The following DOCK8 variants were observed in gnomAD, a reference collection of about 807,000 sequenced individuals.
The protein encoded by DOCK8 is dedicator of cytokinesis protein 8.
A neutral mutation model predicts 245.6 loss-of-function variants in DOCK8; 141 were observed. The observed-to-expected ratio is 0.57, with a 90% CI of 0.50 to 0.66. The LOEUF is 0.66. Ranked by LOEUF, DOCK8 falls within the 30% of genes least tolerant of loss-of-function variation. The pLI is 0.00. For synonymous variants in DOCK8, 1,168 were observed against 970.2 expected, an observed-to-expected ratio of 1.20 and a Z score of -3.79; for missense variants, 2,965 against 2,603.4, an observed-to-expected ratio of 1.14 and a Z score of -3.02.
intron 5 of DOCK8, among the ~76,000 whole-genome samples, chr9:308,770 C>G (rs1478882017): frequency 1.3e-5 from 2 of 152,070 alleles, no homozygotes; most frequent in Non-Finnish European, 2.9e-5. Flanking sequence ...TGATTCTCCT[C>G]CCTTAGCCTC....
At chr9:405,388 T>C (rs1214548803) in intron 27 of DOCK8, among the ~76,000 whole-genome samples, 2 of 152,224 alleles carry the variant, frequency 1.3e-5, no homozygotes, top group Non-Finnish European at 2.9e-5. Flanking sequence ...CCAATTGTTA[T>C]ATTATGCAAA....
chr9:308,359 A>C (rs2049941138), intron 5 of DOCK8, among the ~76,000 whole-genome samples: 1 of 152,234 alleles, frequency 6.6e-6, no homozygotes. Context: ...TTTTTTAAAG[A>C]GCCAAATTGT....
At chr9:318,475 A>G (rs2050444085) in intron 7 of DOCK8, among the ~76,000 whole-genome samples, 1 of 152,142 alleles carries the variant, frequency 6.6e-6, no homozygotes, top group Non-Finnish European at 1.5e-5. Context: ...ACCTACCACA[A>G]ACTTCTATGA....
At chr9:274,457 ATTGAATTCT>A (rs1387042784) in intron 2 of DOCK8, among the ~76,000 whole-genome samples, 1 of 140,524 alleles carries the variant, frequency 7.1e-6, no homozygotes, top group Non-Finnish European at 1.5e-5. Context: ...AGCCCAGAGG[ATTGAATTCT>A]TTTTTTTTTC....
intron 3 of DOCK8, among the ~76,000 whole-genome samples, 195 bp from the exon 4 acceptor site, chr9:289,315 A>C (rs1041868237): frequency 5.3e-5 from 8 of 152,202 alleles, no homozygotes; most frequent in African/African-American, 1.9e-4. Flanking sequence ...AAATGCCAAC[A>C]TGTTTGTCTC....
At chr9:271,857 C>G in intron 2 of DOCK8, 128 bp downstream of exon 2, 1 of 689,176 alleles carries the variant, frequency 1.5e-6, no homozygotes, top group Non-Finnish European at 2.5e-6. Context: ...GATCCTAACT[C>G]TGTGACTGTG....
intron 1 of DOCK8, among the ~76,000 whole-genome samples, chr9:226,979 T>C (rs1031934032): frequency 6.6e-6 from 1 of 152,178 alleles, no homozygotes; most frequent in Admixed American, 6.5e-5. Context: ...AATATATGCA[T>C]AACTCTCTGC....
At chr9:289,414 G>C in intron 3 of DOCK8, 96 bp from the exon 4 acceptor site, 1 of 959,854 alleles carries the variant, frequency 1.0e-6, no homozygotes, top group Non-Finnish European at 1.7e-6. Flanking sequence ...CACTGATAAG[G>C]ATTTAAATTC....
chr9:439,539 A>T, intron 40 of DOCK8, 151 bp downstream of exon 40: 2 of 978,810 alleles, frequency 2.0e-6, no homozygotes, highest in South Asian at 3.1e-5. Flanking sequence ...CCCGGGGAGG[A>T]CTTTGATGTA....
chr9:376,134 A>G (rs912102332), intron 18 of DOCK8, 76 bp from the exon 19 acceptor site: 9 of 983,532 alleles, frequency 9.2e-6, no homozygotes, highest in East Asian at 4.8e-5. Context: ...TTTCCAGTCA[A>G]GTTGGTCTGC....
rs756760896 is a variant in DOCK8 at position 434,020 on chromosome 9, G to A, written c.4886+45G>A. On this transcript the variant is annotated intron_variant, in intron 38 of 47. Transcript: ENST00000432829. ...TCAAGGGACACCATTTGGGGGTCGA[G>A]GATTTGTCACTGTGGAGTTCTTACT... 115 of 1,417,754 alleles carry A rather than the reference G, an allele frequency of 8.1e-5. No homozygotes were observed. The Middle Eastern group carries it at 1.0e-3, about 13-fold the overall frequency. The allele number at this position is 1,417,754 out of a possible 1,614,324, so 87.8% of individuals were successfully genotyped here.
intron 1 of DOCK8, among the ~76,000 whole-genome samples, chr9:264,167 T>C (rs2047984643): frequency 6.6e-6 from 1 of 152,244 alleles, no homozygotes; most frequent in African/African-American, 2.4e-5. Context: ...TAGGTGATTA[T>C]GCTGCTTCAT....
At chr9:357,500 A>T (rs570363494) in intron 14 of DOCK8, among the ~76,000 whole-genome samples, 1 of 151,848 alleles carries the variant, frequency 6.6e-6, no homozygotes, top group Admixed American at 6.6e-5. Context: ...TTGATTTCTG[A>T]CTTTCAGTGG....
At chr9:332,302 C>T in intron 9 of DOCK8, 96 bp from the exon 10 acceptor site, 1 of 852,428 alleles carries the variant, frequency 1.2e-6, no homozygotes, top group East Asian at 2.6e-5. Context: ...CCTATGTCAT[C>T]AAATATTGTC....
chr9:439,863 G>C (rs982433974), intron 40 of DOCK8, among the ~76,000 whole-genome samples: 1 of 152,126 alleles, frequency 6.6e-6, no homozygotes, highest in Non-Finnish European at 1.5e-5. Flanking sequence ...GACCATCACA[G>C]ACCAGGACCA....
intron 7 of DOCK8, among the ~76,000 whole-genome samples, chr9:324,418 G>A (rs1378289982): frequency 6.6e-6 from 1 of 152,110 alleles, no homozygotes; most frequent in Non-Finnish European, 1.5e-5. Flanking sequence ...AACATCCAAA[G>A]CCATGGGACA....
chr9:303,162 G>GA (rs562054682), intron 4 of DOCK8, among the ~76,000 whole-genome samples: 105 of 136,826 alleles, frequency 7.7e-4, no homozygotes, highest in South Asian at 6.2e-3. Flanking sequence ...CCTGTCTCAA[G>GA]AAAAAAAAAA....
intron 26 of DOCK8, among the ~76,000 whole-genome samples, chr9:403,858 A>ATCTCTCTCTCTCTCTCTCTCTCTCTCTC (rs749646963): frequency 1.2e-5 from 1 of 83,982 alleles, no homozygotes; most frequent in African/African-American, 4.6e-5. Flanking sequence ...AAGACTCTGT[A>ATCTCTCTCTCTCTCTCTCTCTCTCTCTC]TCTCTCTCTC....
chr9:357,393 T>A (rs1267188152), intron 14 of DOCK8, among the ~76,000 whole-genome samples: 2 of 152,196 alleles, frequency 1.3e-5, no homozygotes, highest in Non-Finnish European at 2.9e-5. Context: ...GTTTTCTCAC[T>A]GAAAGAAATC....
Sources: allele counts gnomAD v4.1 joint callset (sites outside exome capture counted in the v4.1 genomes callset), GRCh38; gene constraint gnomAD v4.1.1; transcripts MANE v1.5; gene names NCBI Gene and HGNC (gene_info 2026-07-23, HGNC 2026-07-21).